The following C12orf42 variants were observed in gnomAD, a reference collection of about 807,000 sequenced individuals.
The protein encoded by C12orf42 is uncharacterized protein C12orf42.
Under a neutral mutation model 21.6 loss-of-function variants are expected in C12orf42, and 25 were observed. The ratio of observed to expected loss-of-function variants is 1.16; its 90% confidence interval spans 0.84 to 1.62. The LOEUF (loss-of-function observed/expected upper bound fraction) is 1.62. Among genes scored for constraint, C12orf42 ranks in the 40% most tolerant of loss-of-function variants. C12orf42 has a pLI of 0.00. For synonymous variants in C12orf42, 174 were observed against 175.0 expected, an observed-to-expected ratio of 0.99 and a Z score of 0.05; for missense variants, 483 against 459.3, an observed-to-expected ratio of 1.05 and a Z score of -0.47.
intron 2 of C12orf42, among the ~76,000 whole-genome samples, chr12:103,453,783 A>G (rs897067898): frequency 6.6e-6 from 1 of 152,078 alleles, no homozygotes; most frequent in African/African-American, 2.4e-5. Flanking sequence ...TCAACTTAAT[A>G]AATCAGATTT....
At chr12:103,079,854 T>C in the C12orf42 span, among the ~76,000 whole-genome samples, 2 of 152,164 alleles carry the variant, frequency 1.3e-5, no homozygotes, top group African/African-American at 4.8e-5. Context: ...GACTGTTACT[T>C]ATATTTAATT....
chr12:103,161,100 G>A, the C12orf42 span, among the ~76,000 whole-genome samples: 1 of 152,184 alleles, frequency 6.6e-6, no homozygotes, highest in South Asian at 2.1e-4. Flanking sequence ...ACGTGTAATG[G>A]ATACCATAAC....
chr12:103,511,657 G>A, the C12orf42 span, among the ~76,000 whole-genome samples: 2 of 152,068 alleles, frequency 1.3e-5, no homozygotes, highest in Admixed American at 1.3e-4. Flanking sequence ...TGGCTTGTTA[G>A]TGCATCTTGA....
the C12orf42 span, among the ~76,000 whole-genome samples, chr12:103,179,464 A>C: frequency 2.6e-3 from 392 of 152,336 alleles, 1 homozygote; most frequent in African/African-American, 9.1e-3. Flanking sequence ...CTGGAAGAAG[A>C]AGCCATGTAA....
At chr12:103,291,911 C>A (rs184499014) in intron 4 of C12orf42, among the ~76,000 whole-genome samples, 1 of 152,190 alleles carries the variant, frequency 6.6e-6, no homozygotes, top group Non-Finnish European at 1.5e-5. Flanking sequence ...CATCTCCTAC[C>A]ACAGCACTGC....
the C12orf42 span, among the ~76,000 whole-genome samples, chr12:103,219,141 G>A: frequency 1.3e-5 from 2 of 152,214 alleles, no homozygotes; most frequent in African/African-American, 4.8e-5. Flanking sequence ...CTCCCATGGA[G>A]GTCTTGACTC....
the C12orf42 span, among the ~76,000 whole-genome samples, chr12:103,105,262 G>A: frequency 7.9e-5 from 12 of 152,216 alleles, no homozygotes; most frequent in Non-Finnish European, 1.6e-4. Flanking sequence ...AGAGAAAGAT[G>A]AGTACCCCCA....
At chr12:103,484,716 G>A (rs953120183) in intron 1 of C12orf42, among the ~76,000 whole-genome samples, 1 of 152,052 alleles carries the variant, frequency 6.6e-6, no homozygotes, top group African/African-American at 2.4e-5. Flanking sequence ...TGGTGTTTTA[G>A]TCATGAAGTC....
chr12:103,302,695 A>AAAAC (rs1371065412), intron 5 of C12orf42, 136 bp from the exon 6 acceptor site: 1 of 689,244 alleles, frequency 1.5e-6, no homozygotes. Context: ...AAAAAAAAAA[A>AAAAC]CCCTGACATG....
At chr12:103,146,542 A>C in the C12orf42 span, among the ~76,000 whole-genome samples, 5 of 142,874 alleles carry the variant, frequency 3.5e-5, no homozygotes, top group South Asian at 9.0e-4. Context: ...AGAAAGAAAG[A>C]AAGAGAAATA....
chr12:103,379,062 G>A (rs895856721), intron 3 of C12orf42, among the ~76,000 whole-genome samples: 7 of 151,978 alleles, frequency 4.6e-5, no homozygotes, highest in East Asian at 3.9e-4. Flanking sequence ...AAGGAGATAC[G>A]TAGATATATA....
At chr12:103,087,651 C>T in the C12orf42 span, among the ~76,000 whole-genome samples, 16 of 152,224 alleles carry the variant, frequency 1.1e-4, no homozygotes, top group African/African-American at 2.4e-4. Context: ...AAGTGCTATA[C>T]GAAATTAAAA....
At chr12:103,106,506 C>T in the C12orf42 span, among the ~76,000 whole-genome samples, 1 of 151,534 alleles carries the variant, frequency 6.6e-6, no homozygotes. Context: ...TTTAGACAAC[C>T]ATAACATTAA....
the C12orf42 span, among the ~76,000 whole-genome samples, chr12:103,119,696 C>A: frequency 4.6e-5 from 7 of 152,162 alleles, no homozygotes; most frequent in Non-Finnish European, 8.8e-5. Flanking sequence ...TAGCCCAACA[C>A]CTGGCATATA....
intron 2 of C12orf42, among the ~76,000 whole-genome samples, chr12:103,427,438 A>T (rs1949927397): frequency 6.6e-6 from 1 of 152,158 alleles, no homozygotes; most frequent in Non-Finnish European, 1.5e-5. Flanking sequence ...ACTATCTTAA[A>T]TATATATGCA....
the C12orf42 span, among the ~76,000 whole-genome samples, chr12:103,106,951 C>A: frequency 4.0e-5 from 6 of 151,438 alleles, no homozygotes; most frequent in African/African-American, 9.7e-5. Context: ...AAGTGTATAC[C>A]AGAAAAGATA....
the C12orf42 span, among the ~76,000 whole-genome samples, chr12:103,515,776 T>A: frequency 3.3e-5 from 5 of 152,230 alleles, no homozygotes; most frequent in East Asian, 1.9e-4. Context: ...AAGCAAGCTA[T>A]CATATGTAAT....
chr12:103,312,766 T>C (rs1196696930), intron 4 of C12orf42, among the ~76,000 whole-genome samples: 2 of 152,250 alleles, frequency 1.3e-5, no homozygotes, highest in East Asian at 1.9e-4. Context: ...GCCAATTTTA[T>C]ATGAAGTAAT....
chr12:103,265,483 G>T (rs748931931), downstream of C12orf42, among the ~76,000 whole-genome samples: 3 of 152,016 alleles, frequency 2.0e-5, no homozygotes, highest in Non-Finnish European at 4.4e-5. Context: ...TTAGAATTGT[G>T]TAATAAAATA....
Sources: allele counts gnomAD v4.1 joint callset (sites outside exome capture counted in the v4.1 genomes callset), GRCh38; gene constraint gnomAD v4.1.1; transcripts MANE v1.5; gene names NCBI Gene and HGNC (gene_info 2026-07-23, HGNC 2026-07-21).